FMR1NB: variants seen among roughly 807,000 people sequenced by gnomAD.
FMR1NB encodes the protein FMR1 neighbor protein.
Under a neutral mutation model 16.8 loss-of-function variants are expected in FMR1NB, and 10 were observed. The observed-to-expected ratio is 0.60, with a 90% CI of 0.37 to 1.01. The LOEUF is 1.01. FMR1NB is among the 50% of genes least tolerant of loss of function. The pLI is 0.01. For missense variants in FMR1NB, 205 were observed against 204.8 expected, an observed-to-expected ratio of 1.00 and a Z score of 0.00; for synonymous variants, 83 against 79.1, an observed-to-expected ratio of 1.05 and a Z score of -0.26.
chrX:148,009,202 G>C (rs781993107), intron 4 of FMR1NB, among the ~76,000 whole-genome samples: 11 of 110,969 alleles, frequency 9.9e-5, no homozygotes, highest in Non-Finnish European at 1.9e-5. Context: ...AATAAAATGC[G>C]TGTTATTTTA....
intron 1 of FMR1NB, among the ~76,000 whole-genome samples, chrX:147,988,983 A>T (rs2044490353): frequency 9.0e-6 from 1 of 111,529 alleles, no homozygotes; most frequent in Admixed American, 9.5e-5. Flanking sequence ...GTTTGTTATT[A>T]CCCACCTTCT....
rs570494932 is a variant in FMR1NB at position 147,982,681 on chromosome X, C to T, written c.277+1002C>T. Among the ~76,000 whole-genome samples, 79 of 106,485 alleles carry T rather than the reference C, an allele frequency of 7.4e-4. 1 individual carries two copies. The South Asian group carries it at 0.028, about 38-fold the overall frequency. 92.5% of individuals were successfully genotyped at this position (106,485 alleles called of 115,157 possible). On this transcript the variant is annotated intron_variant, in intron 1 of 5. Coordinates refer to ENST00000370467, the MANE Select transcript of FMR1NB (RefSeq NM_152578.3). ...GGCGGAGGCGGGTGGATCACGAGGT[C>T]AGGAGATCGAGACCATCCTGGTTAA... is the stretch of plus-strand genomic sequence containing the variant.
At chrX:147,982,100 C>A (rs1400706619) in intron 1 of FMR1NB, among the ~76,000 whole-genome samples, 1 of 111,065 alleles carries the variant, frequency 9.0e-6, no homozygotes, top group Non-Finnish European at 1.9e-5. Context: ...ACCAGCCTGG[C>A]CAACATGGTG....
At chrX:148,017,299 G>A (rs1175236254) in intron 4 of FMR1NB, among the ~76,000 whole-genome samples, 1 of 110,727 alleles carries the variant, frequency 9.0e-6, no homozygotes, top group African/African-American at 3.3e-5. Context: ...AGGATCTGTT[G>A]TTCATCCTTG....
At chrX:148,019,903 A>G (rs1384473706) in intron 4 of FMR1NB, among the ~76,000 whole-genome samples, 2 of 111,563 alleles carry the variant, frequency 1.8e-5, no homozygotes, top group Admixed American at 1.9e-4. Context: ...TGTAATCACT[A>G]CCTGGCCACT....
At chrX:148,015,522 T>G (rs1186558769) in intron 4 of FMR1NB, among the ~76,000 whole-genome samples, 1 of 111,996 alleles carries the variant, frequency 8.9e-6, no homozygotes, top group Non-Finnish European at 1.9e-5. Flanking sequence ...ATGTTTCCAT[T>G]ATCAGTTGTT....
intron 1 of FMR1NB, among the ~76,000 whole-genome samples, chrX:147,988,973 G>A (rs782239567): frequency 9.0e-6 from 1 of 111,604 alleles, no homozygotes; most frequent in Admixed American, 9.5e-5. Context: ...GCTCAGAGGA[G>A]TTTGTTATTA....
chrX:148,006,383 CTTG>C (rs1378618269), intron 2 of FMR1NB, among the ~76,000 whole-genome samples: 1 of 111,772 alleles, frequency 8.9e-6, no homozygotes, highest in Admixed American at 9.6e-5. Flanking sequence ...AAGCATTTGA[CTTG>C]TTGTTATTTA....
At chrX:147,990,051 A>C (rs937309296) in intron 1 of FMR1NB, among the ~76,000 whole-genome samples, 2 of 109,913 alleles carry the variant, frequency 1.8e-5, no homozygotes, top group African/African-American at 3.3e-5. Flanking sequence ...AAAAAAAAAA[A>C]AAAACAAAAG....
chrX:147,983,816 C>T (rs937932034), intron 1 of FMR1NB, among the ~76,000 whole-genome samples: 1 of 111,968 alleles, frequency 8.9e-6, no homozygotes, highest in Non-Finnish European at 1.9e-5. Flanking sequence ...GATCCAAGGT[C>T]ATGACGATTA....
rs782196883 is a variant in FMR1NB, at chrX:147,987,968, A to G, written c.277+6289A>G. 3.2e-4 allele frequency among the ~76,000 whole-genome samples: 35 copies of G among 110,939 alleles called. No homozygotes were observed. In the East Asian group the frequency reaches 9.4e-3, roughly 30 times the overall value. The stretch of plus-strand genomic sequence containing the variant: ...CACCAATGGGTCTTGGCTCTATCCA[A>G]TTTGCCAGTCTCTGTATTGTAATTG... On this transcript the variant is annotated intron_variant, in intron 1 of 5. Coordinates refer to ENST00000370467, the MANE Select transcript of FMR1NB (RefSeq NM_152578.3).
chrX:148,011,274 AAAAC>A (rs1454409281), intron 4 of FMR1NB, among the ~76,000 whole-genome samples: 2 of 100,487 alleles, frequency 2.0e-5, no homozygotes, highest in African/African-American at 8.3e-5. Context: ...AAAAAAAACA[AAAAC>A]AAAAACAAAA....
In FMR1NB at chrX:148,021,383, T is replaced by C. The variant is rs12012871; in HGVS notation, c.633-3482T>C. On this transcript the variant is annotated intron_variant, in intron 4 of 5. Transcript: ENST00000370467. ...CTCTGAGTGCTCCCCTGATTTTTGG[T>C]TCTTATGAAGGGGCTTTTTTTTTTT... is the stretch of plus-strand genomic sequence containing the variant. Among the ~76,000 whole-genome samples, 446 of 103,726 alleles carry C rather than the reference T, an allele frequency of 4.3e-3. 6 individuals are homozygous for C. The highest frequency in any genetic ancestry group is 0.016 in the African/African-American group (421 of 26,337). 90.1% of individuals were successfully genotyped at this position (103,726 alleles called of 115,157 possible).
chrX:147,987,726 G>T (rs898795692), intron 1 of FMR1NB, among the ~76,000 whole-genome samples: 3 of 111,342 alleles, frequency 2.7e-5, no homozygotes, highest in Admixed American at 9.5e-5. Flanking sequence ...TCCTGTATTG[G>T]GTGCATATGT....
chrX:148,022,165 CAT>C (rs782523242), intron 4 of FMR1NB, among the ~76,000 whole-genome samples: 2 of 111,675 alleles, frequency 1.8e-5, no homozygotes, highest in Admixed American at 1.9e-4. Context: ...CTCTGAGTCT[CAT>C]AAAGTGTATC....
chrX:148,022,407 C>T (rs1341382823), intron 4 of FMR1NB, among the ~76,000 whole-genome samples: 3 of 111,980 alleles, frequency 2.7e-5, no homozygotes, highest in African/African-American at 9.7e-5. Flanking sequence ...TCTACTTTCC[C>T]TTCTAAATTT....
At chrX:148,011,137 G>A (rs1179674430) in intron 4 of FMR1NB, among the ~76,000 whole-genome samples, 3 of 110,754 alleles carry the variant, frequency 2.7e-5, no homozygotes, top group Admixed American at 9.7e-5. Flanking sequence ...GGTGACATGC[G>A]CCTGTAATCC....
chrX:147,982,671 A>G (rs1452662778), intron 1 of FMR1NB, among the ~76,000 whole-genome samples: 1 of 107,149 alleles, frequency 9.3e-6, no homozygotes, highest in East Asian at 3.0e-4. Flanking sequence ...AGGCGGGTGG[A>G]TCACGAGGTC....
intron 4 of FMR1NB, among the ~76,000 whole-genome samples, chrX:148,017,259 GTTAT>G (rs1346665431): frequency 2.7e-5 from 3 of 111,190 alleles, no homozygotes; most frequent in Admixed American, 9.6e-5. Context: ...TCCATTGTAT[GTTAT>G]TTGTTTCTTT....
Sources: allele counts gnomAD v4.1 joint callset (sites outside exome capture counted in the v4.1 genomes callset), GRCh38; gene constraint gnomAD v4.1.1; transcripts MANE v1.5; gene names NCBI Gene and HGNC (gene_info 2026-07-23, HGNC 2026-07-21).